The following EPHB2 variants were observed in gnomAD, a reference collection of about 807,000 sequenced individuals.
The protein encoded by EPHB2 is EPH receptor B2, also known as ephrin type-B receptor 2.
A neutral mutation model predicts 96.4 loss-of-function variants in EPHB2; 18 were observed. The observed-to-expected ratio is 0.19, with a 90% CI of 0.13 to 0.28. EPHB2 has a LOEUF of 0.28. EPHB2 is among the 10% of genes least tolerant of loss of function. The probability of loss-of-function intolerance (pLI) is 1.00; values close to 1 mark genes in which losing one functional copy is unlikely to be tolerated. For synonymous variants in EPHB2, 506 were observed against 534.1 expected (o/e 0.95, Z 0.72); for missense variants, 989 against 1,355.4 (o/e 0.73, Z 4.25).
At chr1:22,868,959 C>G (rs1050097300) in intron 5 of EPHB2, among the ~76,000 whole-genome samples, 1 of 152,152 alleles carries the variant, frequency 6.6e-6, no homozygotes, top group Non-Finnish European at 1.5e-5. Flanking sequence ...GAACCCCAGC[C>G]GCAGACCCTG....
intron 3 of EPHB2, among the ~76,000 whole-genome samples, chr1:22,833,312 G>T (rs10799768): frequency 0.27 from 40,520 of 151,738 alleles, 5,848 homozygotes; most frequent in African/African-American, 0.38. Flanking sequence ...TAGAGACAGG[G>T]TTTCACCATA....
chr1:22,858,220 G>A lies in EPHB2; in HGVS notation c.812-4817G>A, dbSNP rs1280504678. ...CGATGACCACAGGCAGGAGCGCAGTGAGTGAGAGGAGGAGGGGGAAGCGTC... is the reference window on the plus strand; with the variant it reads ...CGATGACCACAGGCAGGAGCGCAGTAAGTGAGAGGAGGAGGGGGAAGCGTC... On this transcript the variant is annotated intron_variant, in intron 3 of 15. Coordinates refer to ENST00000374630, the MANE Select transcript of EPHB2 (RefSeq NM_017449.5). This position sits in a 1 kb window ranked among gnomAD's most constrained non-coding sequence, Gnocchi z 7.7. Among the ~76,000 whole-genome samples, 5 of 146,416 alleles carry A rather than the reference G, an allele frequency of 3.4e-5. No homozygotes were observed. In the South Asian group the frequency reaches 8.8e-4, roughly 26 times the overall value.
chr1:22,848,628 C>T (rs1391431941), intron 3 of EPHB2, among the ~76,000 whole-genome samples: 1 of 152,200 alleles, frequency 6.6e-6, no homozygotes. Context: ...CCTTCTCCTG[C>T]TCCCCAGAAG....
intron 3 of EPHB2, among the ~76,000 whole-genome samples, chr1:22,805,306 G>A (rs1644908358): frequency 6.6e-6 from 1 of 152,184 alleles, no homozygotes; most frequent in East Asian, 1.9e-4. Flanking sequence ...TGAGCCGTAC[G>A]CAGTCTCTCT....
intron 1 of EPHB2, among the ~76,000 whole-genome samples, chr1:22,744,000 T>C (rs1392916948): frequency 6.6e-6 from 1 of 152,186 alleles, no homozygotes; most frequent in Non-Finnish European, 1.5e-5. Flanking sequence ...GAGTTTATAA[T>C]TGATGTGCCA....
intron 13 of EPHB2, among the ~76,000 whole-genome samples, chr1:22,909,384 G>GGCC (rs1356602488): frequency 6.6e-6 from 1 of 152,226 alleles, no homozygotes; most frequent in African/African-American, 2.4e-5. Flanking sequence ...AAGTAGGAAA[G>GGCC]GCCACCCATC....
chr1:22,711,531 C>T (rs1057494671), intron 1 of EPHB2, among the ~76,000 whole-genome samples: 6 of 151,206 alleles, frequency 4.0e-5, no homozygotes, highest in African/African-American at 1.5e-4. Flanking sequence ...CCCGCGCCCC[C>T]GAGATGGGGC....
chr1:22,738,434 C>T (rs899335611), intron 1 of EPHB2, among the ~76,000 whole-genome samples: 16 of 152,184 alleles, frequency 1.1e-4, no homozygotes, highest in Admixed American at 4.6e-4. Flanking sequence ...TGGTACTGTA[C>T]CCATAGGAGC....
At chr1:22,907,122 A>G (rs1446518859) in intron 11 of EPHB2, among the ~76,000 whole-genome samples, 165 bp downstream of exon 11, 2 of 152,212 alleles carry the variant, frequency 1.3e-5, no homozygotes, top group Non-Finnish European at 2.9e-5. Context: ...AGGCACTGCT[A>G]ATCAATCCCA....
At chr1:22,805,685 A>G (rs137911645) in intron 3 of EPHB2, among the ~76,000 whole-genome samples, 93 of 152,142 alleles carry the variant, frequency 6.1e-4, no homozygotes, top group African/African-American at 2.1e-3. Context: ...TTGGGTGGGA[A>G]TGGGGGTGAG....
intron 9 of EPHB2, among the ~76,000 whole-genome samples, chr1:22,905,214 C>G (rs1283431352): frequency 2.6e-5 from 4 of 152,066 alleles, no homozygotes; most frequent in African/African-American, 4.8e-5. Flanking sequence ...AAGTGTTGGA[C>G]AGAAGAGAGG....
chr1:22,780,625 GT>G (rs1644515675), intron 1 of EPHB2, among the ~76,000 whole-genome samples: 1 of 152,192 alleles, frequency 6.6e-6, no homozygotes, highest in Non-Finnish European at 1.5e-5. Context: ...GCCCAAGTTC[GT>G]TTTTGAGAGT....
rs1035865072 is a variant in EPHB2, at chr1:22,858,121, C to T, written c.812-4916C>T. On this transcript the variant is annotated intron_variant, in intron 3 of 15. Transcript: ENST00000374630. This position sits in a 1 kb window ranked among gnomAD's most constrained non-coding sequence, Gnocchi z 7.7. ...GGTCTGAAGGAGGAAAAGGAGCCAG[C>T]GACGGGAAGAGCAGGGAAAGCCTTC... is the stretch of plus-strand genomic sequence containing the variant. Among the ~76,000 whole-genome samples, 3 of 152,028 alleles carry T rather than the reference C, an allele frequency of 2.0e-5. No individual in the cohort carries two copies. Among genetic ancestry groups the T allele is most frequent in the African/African-American group, 4.8e-5 (2 of 41,394 alleles).
intron 1 of EPHB2, among the ~76,000 whole-genome samples, chr1:22,755,181 G>A (rs114261572): frequency 6.6e-6 from 1 of 152,076 alleles, no homozygotes; most frequent in Non-Finnish European, 1.5e-5. Flanking sequence ...TGCCGTCCTA[G>A]AATACAGTGT....
intron 1 of EPHB2, among the ~76,000 whole-genome samples, chr1:22,763,726 G>T (rs1045316101): frequency 1.3e-5 from 2 of 152,144 alleles, no homozygotes; most frequent in Non-Finnish European, 2.9e-5. Context: ...AAAACAAGAC[G>T]CATTTATTGT....
At chr1:22,811,371 G>T (rs115079984) in intron 3 of EPHB2, among the ~76,000 whole-genome samples, 1 of 152,108 alleles carries the variant, frequency 6.6e-6, no homozygotes, top group Admixed American at 6.5e-5. Flanking sequence ...GCAAGACAGC[G>T]CCCACTCCAT....
At chr1:22,891,309 C>G (rs965594890) in intron 6 of EPHB2, 1 of 418,098 alleles carries the variant, frequency 2.4e-6, no homozygotes, top group African/African-American at 2.0e-5. Flanking sequence ...TCAAGGGCTC[C>G]GTGCACTCTG....
chr1:22,886,879 G>C (rs546454899), intron 6 of EPHB2, among the ~76,000 whole-genome samples: 1 of 152,030 alleles, frequency 6.6e-6, no homozygotes, highest in Admixed American at 6.6e-5. Flanking sequence ...GCCCACCTCA[G>C]CCACCCAAAG....
rs367718105 is a variant in EPHB2, at chr1:22,895,449, G to A, written c.1592-23G>A. 1.2e-5 allele frequency: 20 copies of A among 1,611,782 alleles called. No individual in the cohort carries two copies. In the East Asian group the frequency reaches 2.9e-4, roughly 23 times the overall value. On this transcript the variant is annotated intron_variant, in intron 7 of 15. Coordinates refer to ENST00000374630, the MANE Select transcript of EPHB2 (RefSeq NM_017449.5). The stretch of plus-strand genomic sequence containing the variant: ...CGACTCCCACAGCCAGGCTGAGAAT[G>A]CCCTACCATGCTTTCTCCCCAGCCG...
Sources: gnomAD v4.1 joint callset for allele counts (sites outside exome capture counted in the v4.1 genomes callset) on GRCh38, gnomAD v4.1.1 for gene constraint, Gnocchi (gnomAD v3.1) non-coding constraint, MANE v1.5 for transcripts, NCBI Gene and HGNC (gene_info 2026-07-23, HGNC 2026-07-21) for gene names.